Variants in NCBP3 observed in about 807,000 individuals in gnomAD.
The protein encoded by NCBP3 is nuclear cap-binding protein subunit 3.
In NCBP3, 20 loss-of-function variants were observed where a neutral mutation model predicts 75.7. The observed-to-expected ratio is 0.26, with a 90% CI of 0.19 to 0.38. The LOEUF is 0.38. NCBP3 is among the 10% of genes least tolerant of loss of function. The pLI is 1.00. For synonymous variants in NCBP3, 293 were observed against 290.5 expected, an observed-to-expected ratio of 1.01 and a Z score of -0.09; for missense variants, 678 against 796.9, an observed-to-expected ratio of 0.85 and a Z score of 1.80.
chr17:3,803,881 C>A lies in NCBP3; in HGVS notation c.*9163G>T, dbSNP rs544824470. 4 of 151,824 alleles carry A rather than the reference C, an allele frequency of 2.6e-5. No individual in the cohort carries two copies. The highest frequency in any genetic ancestry group is 2.1e-4 in the South Asian group (1 of 4,820). The allele number at this position is 151,824 out of a possible 1,614,324, so 9.4% of individuals were successfully genotyped here. ...ACAAAGTCAGGAGATCGAGACCATC[C>A]TGGCTAACACGGTGAAACCCGGTCT... On this transcript the variant is annotated 3_prime_UTR_variant, in exon 13 of 13. Transcript: ENST00000389005.
chr17:3,814,200 T>C, intron 12 of NCBP3, 122 bp downstream of exon 12: 1 of 969,010 alleles, frequency 1.0e-6, no homozygotes, highest in Non-Finnish European at 1.6e-6. Flanking sequence ...GGAAAAGGAA[T>C]AATCACTTAT....
chr17:3,822,591 C>A (rs2053689259), intron 7 of NCBP3: 1 of 152,210 alleles, frequency 6.6e-6, no homozygotes, highest in African/African-American at 2.4e-5. Flanking sequence ...ATGTACTCAG[C>A]CACTCAAATG....
intron 3 of NCBP3, among the ~76,000 whole-genome samples, chr17:3,832,822 T>C (rs1257425998): frequency 1.3e-5 from 2 of 152,156 alleles, no homozygotes; most frequent in Admixed American, 1.3e-4. Context: ...TTAATAATTT[T>C]AAACACATAA....
chr17:3,807,230 C>A lies in NCBP3; in HGVS notation c.*5814G>T, dbSNP rs181280160. On this transcript the variant is annotated 3_prime_UTR_variant, in exon 13 of 13. Transcript: ENST00000389005. ...TCAGCAGTCCTTCTTTAGGGTCTAG[C>A]GCCTGCCTACCAGCTTCCTCTACTT... The A allele has an allele frequency of 2.6e-5, 4 of 152,352 alleles. No homozygotes were observed. Among genetic ancestry groups the A allele is most frequent in the East Asian group, 3.9e-4 (2 of 5,194 alleles). 9.4% of individuals were successfully genotyped at this position (152,352 alleles called of 1,614,324 possible). A position where few individuals can be genotyped will look rare whatever the true frequency, so the allele number is the denominator to read the frequency against.
chr17:3,821,151 G>T, intron 9 of NCBP3, 98 bp downstream of exon 9: 2 of 817,818 alleles, frequency 2.4e-6, no homozygotes, highest in Non-Finnish European at 2.1e-6. Flanking sequence ...AGGAAGAGAG[G>T]ATGATAAAGT....
rs1157820744 is a variant in NCBP3 at position 3,829,258 on chromosome 17, A to C, written c.466T>G (p.Leu156Val). 6.4e-7 allele frequency: 1 copy of C among 1,551,670 alleles called. No homozygotes were observed. The highest frequency in any genetic ancestry group is 1.2e-5 in the South Asian group (1 of 84,058). Reference sequence around the variant, plus strand: ...GTGTACTTACAGGAGGTATCATCCAACCATTCGATGTGAGCTGGAGGATAT... The same window carrying C: ...GTGTACTTACAGGAGGTATCATCCACCCATTCGATGTGAGCTGGAGGATAT... ...KEYPPAHIEW[L>V]DDTSCNVVWL... is the part of the protein sequence containing the mutation. Residue 156 changes from leucine to valine, a missense_variant, in exon 4 of 13, where the codon TTG becomes GTG. Leu to Val is a conservative substitution (Grantham distance 32). Coordinates refer to ENST00000389005, the MANE Select transcript of NCBP3 (RefSeq NM_001114118.3).
rs2054020746 is a variant in NCBP3, at chr17:3,838,980, T to G, written c.355+1120A>C. On this transcript the variant is annotated intron_variant, in intron 3 of 12. Coordinates refer to ENST00000389005, the MANE Select transcript of NCBP3 (RefSeq NM_001114118.3). ...TACAGCACAGGCCTTTAACATGCAT[T>G]CAGAAGGCTGCCTACTAAACCCTTT... is the stretch of plus-strand genomic sequence containing the variant. Among the ~76,000 whole-genome samples the G allele has an allele frequency of 2.0e-5, 3 of 152,160 alleles. 1 individual carries two copies. The highest frequency in any genetic ancestry group is 2.0e-4 in the Admixed American group (3 of 15,276).
At chr17:3,815,469 G>C (rs771885295) in intron 11 of NCBP3, among the ~76,000 whole-genome samples, 1 of 152,178 alleles carries the variant, frequency 6.6e-6, no homozygotes, top group Non-Finnish European at 1.5e-5. Context: ...ATCAGTGTTT[G>C]AACATAGAAA....
intron 3 of NCBP3, among the ~76,000 whole-genome samples, chr17:3,835,365 TTCTC>T (rs1169168537): frequency 6.6e-6 from 1 of 152,204 alleles, no homozygotes; most frequent in African/African-American, 2.4e-5. Flanking sequence ...AGTCCTGCCG[TTCTC>T]TCTGTGAATC....
At chr17:3,840,057 C>T (rs1307567258) in intron 3 of NCBP3, 43 bp downstream of exon 3, 1 of 1,482,196 alleles carries the variant, frequency 6.7e-7, no homozygotes, top group Non-Finnish European at 9.2e-7. Context: ...AAAAGGCACT[C>T]TCTGGGGAAA....
chr17:3,802,405 T>C lies in NCBP3; in HGVS notation c.*10639A>G, dbSNP rs1169928614. The C allele has an allele frequency of 6.6e-6, 1 of 152,240 alleles. No homozygotes were observed. The highest frequency in any genetic ancestry group is 1.9e-4 in the East Asian group (1 of 5,204). 9.4% of individuals were successfully genotyped at this position (152,240 alleles called of 1,614,324 possible). ...GACATTTCCAACACTTTGCCTTGTC[T>C]GCTTTGCTCTGACAAAGTGCTTATG... On this transcript the variant is annotated 3_prime_UTR_variant, in exon 13 of 13. Transcript: ENST00000389005.
At chr17:3,831,926 G>A (rs1597407621) in intron 3 of NCBP3, among the ~76,000 whole-genome samples, 1 of 122,892 alleles carries the variant, frequency 8.1e-6, no homozygotes, top group South Asian at 2.9e-4. Context: ...GCTTACACCT[G>A]TAATCCCAGC....
Position 3,821,272 on chromosome 17 carries a change from G to C in NCBP3, c.977C>G (p.Thr326Arg). Residue 326 changes from threonine (T) to arginine (R), a missense_variant, in exon 9 of 13, where the codon ACG (threonine) becomes AGG (arginine). Physicochemically the swap from Thr to Arg is moderately conservative, Grantham distance 71. Transcript: ENST00000389005. ...ACCAGAATGTCGATGTTTATACGAC[G>C]TCAAGCCAACGTCATCCCCAATCAG... ...RALIGDDVGL[T>R]SYKHRHSGLV... The C allele has an allele frequency of 1.9e-6, 3 of 1,613,824 alleles. No homozygotes were observed. The highest frequency in any genetic ancestry group is 2.5e-6 in the Non-Finnish European group (3 of 1,179,774).
intron 3 of NCBP3, among the ~76,000 whole-genome samples, chr17:3,832,402 GGC>G (rs2053894958): frequency 8.4e-6 from 1 of 119,268 alleles, no homozygotes; most frequent in Admixed American, 8.4e-5. Flanking sequence ...GGGAGGCCGG[GGC>G]GGGCAGATCA....
intron 2 of NCBP3, among the ~76,000 whole-genome samples, chr17:3,842,586 G>C (rs1567597066): frequency 6.6e-6 from 1 of 152,212 alleles, no homozygotes; most frequent in Non-Finnish European, 1.5e-5. Flanking sequence ...TAAGTAGAGT[G>C]ATTTTATCCT....
intron 3 of NCBP3, among the ~76,000 whole-genome samples, chr17:3,832,662 A>ATT (rs1391389681): frequency 6.6e-6 from 1 of 151,922 alleles, no homozygotes; most frequent in East Asian, 1.9e-4. Context: ...AAAAATAAAA[A>ATT]TAAAAAAAGG....
rs761336780 is a variant in NCBP3 at position 3,812,920 on chromosome 17, C to T, written c.*124G>A. ...AGATGTCTTGCCGAAGTAGCAAGAG[C>T]GGAGGGTGACTGTGTGAGCAGGAGC... On this transcript the variant is annotated 3_prime_UTR_variant, in exon 13 of 13. Transcript: ENST00000389005. The T allele has an allele frequency of 1.3e-6, 2 of 1,503,102 alleles. No individual in the cohort carries two copies. Among genetic ancestry groups the T allele is most frequent in the East Asian group, 2.3e-5 (1 of 43,220 alleles). 93.1% of individuals were successfully genotyped at this position (1,503,102 alleles called of 1,614,324 possible).
At chr17:3,831,930 T>A (rs140355386) in intron 3 of NCBP3, among the ~76,000 whole-genome samples, 8,260 of 122,414 alleles carry the variant, frequency 0.067, 2,046 homozygotes, top group Admixed American at 0.14. Flanking sequence ...ACACCTGTAA[T>A]CCCAGCACTT....
In NCBP3 at chr17:3,804,398, A is replaced by C. The variant is rs2082336059; in HGVS notation, c.*8646T>G. 6.6e-6 allele frequency: 1 copy of C among 151,884 alleles called. No homozygotes were observed. The highest frequency in any genetic ancestry group is 2.4e-5 in the African/African-American group (1 of 41,316). 9.4% of individuals were successfully genotyped at this position (151,884 alleles called of 1,614,324 possible). A position where few individuals can be genotyped will look rare whatever the true frequency, so the allele number is the denominator to read the frequency against. On this transcript the variant is annotated 3_prime_UTR_variant, in exon 13 of 13. Transcript: ENST00000389005. ...CCTGTCTTTACTAAAAACACAAAAA[A>C]TTAGCCAGGCGTGGCAGCGTGTGCC...
Sources: allele counts gnomAD v4.1 joint callset (sites outside exome capture counted in the v4.1 genomes callset), GRCh38; gene constraint gnomAD v4.1.1; transcripts MANE v1.5; gene names NCBI Gene and HGNC (gene_info 2026-07-23, HGNC 2026-07-21).